HS3ST3A1: variants seen among roughly 807,000 people sequenced by gnomAD.
HS3ST3A1 encodes the protein heparan sulfate glucosamine 3-O-sulfotransferase 3A1.
Under a neutral mutation model 25.7 loss-of-function variants are expected in HS3ST3A1, and 19 were observed. That is an observed-to-expected ratio of 0.74 (90% CI 0.52 to 1.08). The LOEUF is 1.08. Among genes scored for constraint, HS3ST3A1 ranks in the 50% least tolerant of loss-of-function variants. The pLI is 0.00. For synonymous variants in HS3ST3A1, 226 were observed against 278.6 expected (o/e 0.81, Z 1.88); for missense variants, 459 against 594.3 (o/e 0.77, Z 2.37).
At chr17:13,550,938 G>C (rs1349335107) in intron 1 of HS3ST3A1, among the ~76,000 whole-genome samples, 1 of 151,776 alleles carries the variant, frequency 6.6e-6, no homozygotes, top group South Asian at 2.1e-4. Context: ...ATGGTGGCAG[G>C]TGCCTGTAGC....
At chr17:13,528,346 G>A (rs1039622722) in intron 1 of HS3ST3A1, among the ~76,000 whole-genome samples, 1 of 152,188 alleles carries the variant, frequency 6.6e-6, no homozygotes, top group African/African-American at 2.4e-5. Context: ...CCATCCAGCT[G>A]TGTGACGTGT....
intron 1 of HS3ST3A1, among the ~76,000 whole-genome samples, chr17:13,559,209 A>T (rs1907459240): frequency 6.6e-6 from 1 of 152,222 alleles, no homozygotes; most frequent in South Asian, 2.1e-4. Flanking sequence ...TATTATTATG[A>T]CAACAAAAAA....
chr17:13,503,762 T>G (rs1183339416), intron 1 of HS3ST3A1, among the ~76,000 whole-genome samples: 1 of 152,178 alleles, frequency 6.6e-6, no homozygotes, highest in Non-Finnish European at 1.5e-5. Context: ...CTTTGGTGGT[T>G]AAAGAGTAAA....
intron 1 of HS3ST3A1, among the ~76,000 whole-genome samples, chr17:13,529,583 G>A (rs2142329962): frequency 6.6e-6 from 1 of 152,282 alleles, no homozygotes; most frequent in East Asian, 1.9e-4. Flanking sequence ...ACTTTTCACA[G>A]TGAATCTTAG....
chr17:13,538,351 A>G (rs964970024), intron 1 of HS3ST3A1, among the ~76,000 whole-genome samples: 1 of 152,210 alleles, frequency 6.6e-6, no homozygotes, highest in Non-Finnish European at 1.5e-5. Context: ...AAGTGATCTG[A>G]CCATTTTGCA....
At chr17:13,532,581 A>G (rs998155471) in intron 1 of HS3ST3A1, among the ~76,000 whole-genome samples, 10 of 151,920 alleles carry the variant, frequency 6.6e-5, no homozygotes, top group African/African-American at 2.4e-4. Context: ...CCAGAATGAA[A>G]GGGGAATAAA....
chr17:13,507,381 G>C (rs1905720050), intron 1 of HS3ST3A1, among the ~76,000 whole-genome samples: 2 of 152,158 alleles, frequency 1.3e-5, no homozygotes, highest in Non-Finnish European at 2.9e-5. Context: ...GTTGCTAATA[G>C]GTCTAGAATG....
chr17:13,522,744 A>C (rs1368271816), intron 1 of HS3ST3A1, among the ~76,000 whole-genome samples: 1 of 152,018 alleles, frequency 6.6e-6, no homozygotes, highest in East Asian at 1.9e-4. Flanking sequence ...ACACATAAAA[A>C]CTGAAACAAT....
intron 1 of HS3ST3A1, among the ~76,000 whole-genome samples, chr17:13,532,604 A>C (rs1906636138): frequency 6.6e-6 from 1 of 152,074 alleles, no homozygotes; most frequent in Non-Finnish European, 1.5e-5. Context: ...GGAGATCAAC[A>C]CAAGCAAGAT....
chr17:13,536,864 C>T (rs1373457554), intron 1 of HS3ST3A1, among the ~76,000 whole-genome samples: 1 of 152,260 alleles, frequency 6.6e-6, no homozygotes, highest in East Asian at 1.9e-4. Flanking sequence ...ACAAGGATCC[C>T]TACATTTTCT....
intron 1 of HS3ST3A1, among the ~76,000 whole-genome samples, chr17:13,515,751 T>G (rs528384833): frequency 6.6e-6 from 1 of 152,288 alleles, no homozygotes; most frequent in Non-Finnish European, 1.5e-5. Flanking sequence ...ATTTCTCATT[T>G]CCCAAAAGCA....
chr17:13,562,426 T>G lies in HS3ST3A1; in HGVS notation c.599+38105A>C, dbSNP rs1273223558. ...TCGGGCACACACGAGGGACAGCGGG[T>G]GGGGGGGAAAGTAACCCTATCCAAT... On this transcript the variant is annotated intron_variant, in intron 1 of 1. Transcript: ENST00000284110. Among the ~76,000 whole-genome samples, 13 of 152,032 alleles carry G rather than the reference T, an allele frequency of 8.6e-5. No individual in the cohort carries two copies. In the East Asian group the frequency reaches 2.3e-3, roughly 27 times the overall value.
rs1189154176 is a variant in HS3ST3A1, at chr17:13,496,444, C to T, written c.974G>A (p.Arg325His). The change falls in exon 2 of 2, where the codon CGC becomes CAC. Residue 325 changes from arginine (R) to histidine (H), a missense_variant. This residue lies in a region of HS3ST3A1 where 67 missense variants were observed against 231.4 expected (regional missense o/e 0.29). Coordinates refer to ENST00000284110, the MANE Select transcript of HS3ST3A1 (RefSeq NM_006042.3). ...LISDPAGELG[R>H]VQDFLGLKRI... ...CTTGAGGCCCAGGAAGTCTTGCACG[C>T]GGCCCAGCTCCCCGGCCGGGTCGCT... The T allele has an allele frequency of 5.2e-6, 7 of 1,357,078 alleles. No homozygotes were observed. Among genetic ancestry groups the T allele is most frequent in the Non-Finnish European group, 7.1e-6 (7 of 985,538 alleles). 84.1% of individuals were successfully genotyped at this position (1,357,078 alleles called of 1,614,324 possible).
At chr17:13,561,264 A>G (rs1012362276) in intron 1 of HS3ST3A1, among the ~76,000 whole-genome samples, 1 of 152,062 alleles carries the variant, frequency 6.6e-6, no homozygotes, top group Non-Finnish European at 1.5e-5. Context: ...ATGGCTGTGT[A>G]TTCTTGTCCA....
At chr17:13,578,177 G>A (rs1907996203) in intron 1 of HS3ST3A1, among the ~76,000 whole-genome samples, 1 of 152,142 alleles carries the variant, frequency 6.6e-6, no homozygotes, top group African/African-American at 2.4e-5. Context: ...AATAAGGATT[G>A]CCTAAGTGAC....
rs760622281 is a variant in HS3ST3A1 at position 13,601,109 on chromosome 17, G to A, written c.21C>T (p.Ala7=). The change falls in exon 1 of 2, where the codon GCC becomes GCT. Residue 7 remains alanine (A), a synonymous_variant. Coordinates refer to ENST00000284110, the MANE Select transcript of HS3ST3A1 (RefSeq NM_006042.3). The part of the protein sequence containing the change: MAPPGP[A]SALSTSAEPL... ...GCTCGGCCGAGGTGGAGAGGGCACT[G>A]GCCGGGCCCGGAGGGGCCATCCTAG... The A allele has an allele frequency of 6.3e-7, 1 of 1,574,878 alleles. No individual in the cohort carries two copies. Among genetic ancestry groups the A allele is most frequent in the Non-Finnish European group, 8.6e-7 (1 of 1,162,302 alleles).
intron 1 of HS3ST3A1, among the ~76,000 whole-genome samples, chr17:13,555,421 A>C (rs1263069170): frequency 6.6e-6 from 1 of 152,206 alleles, no homozygotes; most frequent in African/African-American, 2.4e-5. Flanking sequence ...GAAATGATGC[A>C]GGCAATTTAG....
At chr17:13,571,438 G>C (rs1188156523) in intron 1 of HS3ST3A1, among the ~76,000 whole-genome samples, 9 of 152,086 alleles carry the variant, frequency 5.9e-5, no homozygotes, top group Non-Finnish European at 1.3e-4. Context: ...ACGCTTTGAC[G>C]ACTGCAGGAA....
In HS3ST3A1 at chr17:13,520,618, C is replaced by CTTTCT. The variant is rs1555537905; in HGVS notation, c.600-23801_600-23800insAGAAA. 4.5e-3 allele frequency among the ~76,000 whole-genome samples: 663 copies of CTTTCT among 147,832 alleles called. 5 individuals carry two copies. Among genetic ancestry groups the CTTTCT allele is most frequent in the African/African-American group, 0.016 (632 of 40,474 alleles). On this transcript the variant is annotated intron_variant, in intron 1 of 1. Transcript: ENST00000284110. ...AATATTTTCATTTCTTTCTTTCTTT[C>CTTTCT]TTTTTTTTTTTGGGGAAATAGAGTC...
Sources: allele counts gnomAD v4.1 joint callset (sites outside exome capture counted in the v4.1 genomes callset), GRCh38; gene constraint gnomAD v4.1.1; regional missense constraint gnomAD v4.1.1; transcripts MANE v1.5; gene names NCBI Gene and HGNC (gene_info 2026-07-23, HGNC 2026-07-21).